Variants in COX16 observed in about 807,000 individuals in gnomAD.
COX16 encodes cytochrome c oxidase assembly factor COX16.
In COX16, 12 loss-of-function variants were observed where a neutral mutation model predicts 15.4. That is an observed-to-expected ratio of 0.78 (90% CI 0.50 to 1.26). The LOEUF (loss-of-function observed/expected upper bound fraction) is 1.26. Ranked by LOEUF, COX16 falls within the 50% of genes most tolerant of loss-of-function variation. The probability of loss-of-function intolerance (pLI) is 0.00; values close to 1 mark genes in which losing one functional copy is unlikely to be tolerated. For synonymous variants in COX16, 46 were observed against 41.1 expected, an observed-to-expected ratio of 1.12 and a Z score of -0.46; for missense variants, 124 against 127.6, an observed-to-expected ratio of 0.97 and a Z score of 0.14.
At chr14:70,348,680 A>T (rs1048758700) in intron 1 of COX16, among the ~76,000 whole-genome samples, 1 of 152,142 alleles carries the variant, frequency 6.6e-6, no homozygotes, top group South Asian at 2.1e-4. Context: ...ACAACAAATT[A>T]ACATATATTC....
rs182169896 is a variant in COX16 at position 70,352,972 on chromosome 14, A to G, written c.69+6547T>C. On this transcript the variant is annotated intron_variant, in intron 1 of 3. Transcript: ENST00000389912. ...CCCAAGTTGTCATTGCTACTTTATCATGTCATCCAAAAATCTAATTAGTTT... is the reference window on the plus strand; with the variant it reads ...CCCAAGTTGTCATTGCTACTTTATCGTGTCATCCAAAAATCTAATTAGTTT... Among the ~76,000 whole-genome samples, 344 of 152,240 alleles carry G rather than the reference A, an allele frequency of 2.3e-3. 1 individual carries two copies. The highest frequency in any genetic ancestry group is 3.8e-3 in the Admixed American group (58 of 15,300).
intron 2 of COX16, among the ~76,000 whole-genome samples, chr14:70,330,226 T>C (rs1886239791): frequency 6.6e-6 from 1 of 152,066 alleles, no homozygotes; most frequent in Non-Finnish European, 1.5e-5. Flanking sequence ...CTATAGGCAA[T>C]AAAGAGTATA....
At chr14:70,358,352 G>A (rs1261620961) in intron 1 of COX16, among the ~76,000 whole-genome samples, 1 of 145,574 alleles carries the variant, frequency 6.9e-6, no homozygotes, top group African/African-American at 2.5e-5. Flanking sequence ...TACTAATATC[G>A]AATTTGCTAA....
chr14:70,329,984 C>T (rs995722355), intron 2 of COX16, among the ~76,000 whole-genome samples: 2 of 151,974 alleles, frequency 1.3e-5, no homozygotes, highest in African/African-American at 4.8e-5. Context: ...AAAGTTCTAA[C>T]ACATAGCTAG....
At chr14:70,358,915 C>G (rs566405852) in intron 1 of COX16, among the ~76,000 whole-genome samples, 2 of 152,302 alleles carry the variant, frequency 1.3e-5, no homozygotes, top group Admixed American at 6.5e-5. Context: ...TTTCAACGTG[C>G]TTTAGAAATT....
chr14:70,333,711 T>C (rs768312807), intron 2 of COX16, among the ~76,000 whole-genome samples: 1 of 152,176 alleles, frequency 6.6e-6, no homozygotes, highest in Non-Finnish European at 1.5e-5. Flanking sequence ...TGGAGAAATA[T>C]ATAAGTATCT....
intron 2 of COX16, among the ~76,000 whole-genome samples, chr14:70,335,057 C>T (rs1594911668): frequency 6.6e-6 from 1 of 152,034 alleles, no homozygotes; most frequent in Non-Finnish European, 1.5e-5. Flanking sequence ...AGTAGCTATA[C>T]TTATATCAGA....
At chr14:70,327,650 T>A (rs1886125030) in intron 3 of COX16, among the ~76,000 whole-genome samples, 1 of 152,184 alleles carries the variant, frequency 6.6e-6, no homozygotes, top group Non-Finnish European at 1.5e-5. Context: ...GATCTAAAGT[T>A]ATTAAAAGAT....
chr14:70,330,047 T>C (rs915616086), intron 2 of COX16, among the ~76,000 whole-genome samples: 15 of 151,970 alleles, frequency 9.9e-5, no homozygotes, highest in African/African-American at 3.6e-4. Context: ...TAAATAAAAA[T>C]AGCAAAGAAT....
chr14:70,327,259 C>A (rs1420922319), intron 3 of COX16, among the ~76,000 whole-genome samples: 1 of 152,152 alleles, frequency 6.6e-6, no homozygotes. Context: ...CTCTTACTAA[C>A]TAGCTATATA....
At chr14:70,356,723 T>C (rs1307031728) in intron 1 of COX16, among the ~76,000 whole-genome samples, 1 of 150,900 alleles carries the variant, frequency 6.6e-6, no homozygotes, top group East Asian at 2.0e-4. Context: ...GTGATATCAG[T>C]GACATGGTGG....
At position 70,329,160 on chromosome 14, in the gene COX16, T is replaced by C. The variant is rs1886194934; in HGVS notation, c.204+14A>G. On this transcript the variant is annotated intron_variant, in intron 3 of 3. Transcript: ENST00000389912. ...TGATTGTTATAAGACAGAGACTATA[T>C]TAACATACCGTACCTCATATTCCGA... The C allele has an allele frequency of 3.7e-6, 6 of 1,602,236 alleles. No individual in the cohort carries two copies. In the East Asian group the frequency reaches 1.4e-4, roughly 36 times the overall value.
chr14:70,331,377 A>T (rs1410463995), intron 2 of COX16, among the ~76,000 whole-genome samples: 1 of 152,194 alleles, frequency 6.6e-6, no homozygotes, highest in African/African-American at 2.4e-5. Context: ...AAAGGTTTAT[A>T]ATCTGGCATG....
intron 3 of COX16, chr14:70,328,334 CAAAATA>C (rs1886160753): frequency 2.0e-5 from 3 of 151,984 alleles, no homozygotes; most frequent in Non-Finnish European, 4.4e-5. Flanking sequence ...ATTAAATTGT[CAAAATA>C]AAAATCAACA....
At chr14:70,341,917 T>A (rs1886634782) in intron 2 of COX16, among the ~76,000 whole-genome samples, 2 of 152,184 alleles carry the variant, frequency 1.3e-5, no homozygotes, top group Admixed American at 1.3e-4. Flanking sequence ...ATACTATAAA[T>A]GTAGCTGTCT....
At chr14:70,353,247 G>A (rs1202707808) in intron 1 of COX16, among the ~76,000 whole-genome samples, 5 of 118,834 alleles carry the variant, frequency 4.2e-5, no homozygotes, top group South Asian at 3.1e-4. Context: ...GTGACAGAGT[G>A]AGACTCTGTC....
intron 2 of COX16, among the ~76,000 whole-genome samples, chr14:70,336,726 T>C (rs1886468228): frequency 6.6e-6 from 1 of 152,196 alleles, no homozygotes. Flanking sequence ...AGTGCTAATT[T>C]TGATTGTGTG....
chr14:70,356,943 A>G (rs1887142709), intron 1 of COX16, among the ~76,000 whole-genome samples: 1 of 151,994 alleles, frequency 6.6e-6, no homozygotes, highest in Admixed American at 6.6e-5. Flanking sequence ...CTCCGTAACA[A>G]CCATGAAAAC....
chr14:70,356,265 G>C (rs1161278853), intron 1 of COX16, among the ~76,000 whole-genome samples: 1 of 151,976 alleles, frequency 6.6e-6, no homozygotes, highest in South Asian at 2.1e-4. Context: ...TAGATCATCA[G>C]ACATTAGATC....
Sources: gnomAD v4.1 joint callset for allele counts (sites outside exome capture counted in the v4.1 genomes callset) on GRCh38, gnomAD v4.1.1 for gene constraint, MANE v1.5 for transcripts, NCBI Gene and HGNC (gene_info 2026-07-23, HGNC 2026-07-21) for gene names.